Variants in COL5A2 observed in about 807,000 individuals in gnomAD.
The protein encoded by COL5A2 is collagen type V alpha 2 chain, also known as collagen alpha-2(V) chain.
A neutral mutation model predicts 208.2 loss-of-function variants in COL5A2; 23 were observed. That is an observed-to-expected ratio of 0.11 (90% CI 0.08 to 0.16). The LOEUF is 0.16. Ranked by LOEUF, COL5A2 falls within the 10% of genes least tolerant of loss-of-function variation. The pLI, the probability that COL5A2 is intolerant of heterozygous loss-of-function variation, is 1.00. For synonymous variants in COL5A2, 625 were observed against 628.5 expected, an observed-to-expected ratio of 0.99 and a Z score of 0.08; for missense variants, 1,590 against 1,956.4, an observed-to-expected ratio of 0.81 and a Z score of 3.53.
the COL5A2 span, among the ~76,000 whole-genome samples, chr2:189,267,400 T>C: frequency 6.6e-6 from 1 of 152,162 alleles, no homozygotes; most frequent in Non-Finnish European, 1.5e-5. Flanking sequence ...CGCTACATAT[T>C]TGCTTATTAA....
the COL5A2 span, among the ~76,000 whole-genome samples, chr2:189,330,577 G>A: frequency 6.6e-6 from 1 of 152,212 alleles, no homozygotes; most frequent in African/African-American, 2.4e-5. Flanking sequence ...GCAGGCCTGT[G>A]AAGCAGACAG....
At chr2:189,288,733 T>C in the COL5A2 span, among the ~76,000 whole-genome samples, 1 of 152,116 alleles carries the variant, frequency 6.6e-6, no homozygotes, top group Non-Finnish European at 1.5e-5. Context: ...GTTATCCTGA[T>C]ACCAAAGCCA....
chr2:189,346,847 G>A, the COL5A2 span, among the ~76,000 whole-genome samples: 2 of 152,160 alleles, frequency 1.3e-5, no homozygotes, highest in African/African-American at 2.4e-5. Context: ...GGCTTGGGTT[G>A]GCTGCTGCTG....
At chr2:189,426,543 G>T in the COL5A2 span, among the ~76,000 whole-genome samples, 2 of 152,166 alleles carry the variant, frequency 1.3e-5, no homozygotes, top group Non-Finnish European at 2.9e-5. Context: ...CTCCATAAAT[G>T]TAAAGCCAAA....
chr2:189,334,568 T>A, the COL5A2 span, among the ~76,000 whole-genome samples: 1 of 151,970 alleles, frequency 6.6e-6, no homozygotes, highest in Non-Finnish European at 1.5e-5. Context: ...TAAAAATAAT[T>A]GCTCAAAGTA....
the COL5A2 span, among the ~76,000 whole-genome samples, chr2:189,288,382 T>G: frequency 6.6e-6 from 1 of 152,178 alleles, no homozygotes; most frequent in Non-Finnish European, 1.5e-5. Flanking sequence ...TAACTATGAT[T>G]GTATAGCTTT....
chr2:189,257,711 C>G, the COL5A2 span, among the ~76,000 whole-genome samples: 1 of 152,086 alleles, frequency 6.6e-6, no homozygotes, highest in Non-Finnish European at 1.5e-5. Context: ...GAGTAATTAC[C>G]ATGCATTAAT....
intron 1 of COL5A2, among the ~76,000 whole-genome samples, chr2:189,213,455 G>T (rs2105870445): frequency 6.6e-6 from 1 of 152,290 alleles, no homozygotes; most frequent in African/African-American, 2.4e-5. Context: ...GCTTCTTGAA[G>T]AAAGAACACA....
Position 189,068,171 on chromosome 2 carries a change from A to G in COL5A2, c.1302+55T>C. 2.7e-5 allele frequency: 44 copies of G among 1,603,286 alleles called. 1 individual carries two copies. The highest frequency in any genetic ancestry group is 3.3e-4 in the Middle Eastern group (2 of 6,034). ...AGACACAGGTAGCAGTCTGGGGCCA[A>G]TGTCTAAAGAATCATGCCCATTTGA... On this transcript the variant is annotated intron_variant, in intron 20 of 53. Coordinates refer to ENST00000374866, the MANE Select transcript of COL5A2 (RefSeq NM_000393.5).
intron 33 of COL5A2, 40 bp from the exon 34 acceptor site, chr2:189,057,467 T>C (rs760334203): frequency 6.9e-7 from 1 of 1,446,268 alleles, no homozygotes; most frequent in African/African-American, 1.4e-5. Context: ...CCAATAATAT[T>C]AAGATTAAAC....
Position 189,054,193 on chromosome 2 carries a change from C to G in COL5A2, c.2411G>C (p.Gly804Ala). The G allele has an allele frequency of 6.2e-7, 1 of 1,613,996 alleles. No homozygotes were observed. The change falls in exon 36 of 54, where the codon GGC becomes GCC. Residue 804 changes from glycine to alanine, a missense_variant. Physicochemically the swap from Gly to Ala is moderately conservative, Grantham distance 60 (BLOSUM62 0). Coordinates refer to ENST00000374866, the MANE Select transcript of COL5A2 (RefSeq NM_000393.5). Reference protein sequence around the residue: ...DGARGLPGPLGPPGPAGPTGE... With the variant: ...DGARGLPGPLAPPGPAGPTGE... ...AGTAGGACCTGCCGGACCTGGAGGG[C>G]CCAAAGGACCTGGAAGACCCTGTCA...
At chr2:189,287,476 C>T in the COL5A2 span, among the ~76,000 whole-genome samples, 2 of 152,152 alleles carry the variant, frequency 1.3e-5, no homozygotes, top group African/African-American at 4.8e-5. Context: ...AGCCCCTTCT[C>T]TATTCAGTTC....
the COL5A2 span, among the ~76,000 whole-genome samples, chr2:189,314,902 A>C: frequency 0.57 from 85,929 of 152,026 alleles, 26,136 homozygotes; most frequent in East Asian, 0.71. Flanking sequence ...ATCCCTGAAC[A>C]GACTAATAAC....
the COL5A2 span, among the ~76,000 whole-genome samples, chr2:189,350,358 T>C: frequency 1.3e-5 from 2 of 152,094 alleles, no homozygotes; most frequent in Non-Finnish European, 1.5e-5. Flanking sequence ...AATACTAAAA[T>C]AGTCAAAAAT....
the COL5A2 span, among the ~76,000 whole-genome samples, chr2:189,333,198 AT>A: frequency 3.9e-5 from 6 of 152,286 alleles, no homozygotes; most frequent in East Asian, 1.2e-3. Context: ...AAAGGTGAAA[AT>A]TTAAAGATAG....
chr2:189,158,857 T>G (rs938976182), intron 1 of COL5A2, among the ~76,000 whole-genome samples: 1 of 152,164 alleles, frequency 6.6e-6, no homozygotes, highest in Non-Finnish European at 1.5e-5. Context: ...TTATATATCC[T>G]ATTTCTTAGC....
chr2:189,203,386 G>A (rs1689104369), intron 1 of COL5A2, among the ~76,000 whole-genome samples: 1 of 152,302 alleles, frequency 6.6e-6, no homozygotes, highest in Non-Finnish European at 1.5e-5. Flanking sequence ...ATTTGCTTTG[G>A]CAGATGTGGA....
chr2:189,207,050 A>C (rs1689151780), intron 1 of COL5A2, among the ~76,000 whole-genome samples: 3 of 152,244 alleles, frequency 2.0e-5, no homozygotes, highest in Admixed American at 2.0e-4. Context: ...TATGCAAAAG[A>C]CTGAAAAATA....
chr2:189,203,350 G>A (rs996409882), intron 1 of COL5A2, among the ~76,000 whole-genome samples: 3 of 152,188 alleles, frequency 2.0e-5, no homozygotes, highest in Admixed American at 6.5e-5. Flanking sequence ...CTAGTGGAGT[G>A]GTAGAATTAC....
Sources: gnomAD v4.1 joint callset for allele counts (sites outside exome capture counted in the v4.1 genomes callset) on GRCh38, gnomAD v4.1.1 for gene constraint, MANE v1.5 for transcripts, NCBI Gene and HGNC (gene_info 2026-07-23, HGNC 2026-07-21) for gene names.